RGS12: variants seen among roughly 807,000 people sequenced by gnomAD.
The protein encoded by RGS12 is regulator of G-protein signaling 12.
Under a neutral mutation model 120.1 loss-of-function variants are expected in RGS12, and 66 were observed. The observed-to-expected ratio is 0.55, with a 90% confidence interval of 0.45 to 0.67. The LOEUF is 0.67. RGS12 is among the 30% of genes least tolerant of loss of function. The pLI is 0.00. For missense variants in RGS12, 1,859 were observed against 1,957.7 expected (o/e 0.95, Z 0.95); for synonymous variants, 827 against 804.7 (o/e 1.03, Z -0.47).
At chr4:3,364,833 T>G (rs16844197) in intron 3 of RGS12, among the ~76,000 whole-genome samples, 44,292 of 151,834 alleles carry the variant, frequency 0.29, 6,475 homozygotes, top group Middle Eastern at 0.36. Flanking sequence ...GACTTGGCGG[T>G]CGCTGCCTGG....
At chr4:3,290,061 C>T (rs1174944538), upstream of RGS12, among the ~76,000 whole-genome samples, 2 of 152,158 alleles carry the variant, frequency 1.3e-5, no homozygotes, top group East Asian at 1.9e-4. Flanking sequence ...CATCGACGAG[C>T]GCTTAGGTGG....
intron 1 of RGS12, among the ~76,000 whole-genome samples, chr4:3,295,765 T>C (rs1203875935): frequency 6.6e-6 from 1 of 151,924 alleles, no homozygotes; most frequent in Non-Finnish European, 1.5e-5. Flanking sequence ...TAGTTACGAC[T>C]TAACACATGC....
chr4:3,335,372 T>C (rs1712325631), intron 2 of RGS12, among the ~76,000 whole-genome samples: 1 of 152,228 alleles, frequency 6.6e-6, no homozygotes, highest in South Asian at 2.1e-4. Context: ...TTGGAATTCT[T>C]CCTGCCGCAC....
intron 4 of RGS12, among the ~76,000 whole-genome samples, chr4:3,386,891 T>G (rs1489819605): frequency 6.6e-6 from 1 of 152,218 alleles, no homozygotes; most frequent in East Asian, 1.9e-4. Context: ...GAGTGTGGGA[T>G]GAAGAGGAAT....
chr4:3,416,288 C>T (rs1722392953), intron 7 of RGS12, among the ~76,000 whole-genome samples, 167 bp downstream of exon 7: 2 of 151,778 alleles, frequency 1.3e-5, no homozygotes, highest in Non-Finnish European at 2.9e-5. Flanking sequence ...GGTAGAGAAA[C>T]GCAGACAGAA....
chr4:3,373,788 G>A (rs1223250068), intron 3 of RGS12, among the ~76,000 whole-genome samples: 4 of 152,312 alleles, frequency 2.6e-5, no homozygotes, highest in Admixed American at 2.0e-4. Flanking sequence ...GCATCAGCGC[G>A]TCCCACTTCA....
chr4:3,307,864 A>G (rs186027130), intron 1 of RGS12, among the ~76,000 whole-genome samples: 23 of 152,390 alleles, frequency 1.5e-4, no homozygotes, highest in African/African-American at 5.5e-4. Context: ...CCTTTTAAAA[A>G]GGGTCCTTCC....
At position 3,367,463 on chromosome 4, in the gene RGS12, G is replaced by A. The variant is rs541018506; in HGVS notation, c.1999-18953G>A. Among the ~76,000 whole-genome samples, 21 of 152,350 alleles carry A rather than the reference G, an allele frequency of 1.4e-4. No individual in the cohort carries two copies. The South Asian group carries it at 2.5e-3, about 18-fold the overall frequency. The stretch of plus-strand genomic sequence containing the variant: ...GGTGAAGGGCTGTGCTGGGCTTCCC[G>A]GGCCCGGGGTCTGAACCCGACTCCC... On this transcript the variant is annotated intron_variant, in intron 3 of 17. Transcript: ENST00000336727.
intron 4 of RGS12, among the ~76,000 whole-genome samples, chr4:3,398,344 C>T (rs532384451): frequency 7.9e-5 from 12 of 152,236 alleles, no homozygotes; most frequent in Middle Eastern, 6.8e-3. Flanking sequence ...GAACCAGGCA[C>T]GGTGGTGCAC....
chr4:3,288,106 G>T (rs377492558), upstream of RGS12, among the ~76,000 whole-genome samples: 1 of 152,354 alleles, frequency 6.6e-6, no homozygotes, highest in South Asian at 2.1e-4. The surrounding 1 kb of genome is among the most constrained non-coding windows in gnomAD (Gnocchi z 5.2). Flanking sequence ...CTGCGTGCTC[G>T]TTGCTCTGAG....
chr4:3,400,697 A>T (rs188487873), intron 4 of RGS12, among the ~76,000 whole-genome samples: 62 of 149,260 alleles, frequency 4.2e-4, no homozygotes, highest in African/African-American at 1.4e-3. Context: ...AGTATTAGTA[A>T]TACTAATTGC....
At chr4:3,371,627 A>G (rs1716998406) in intron 3 of RGS12, among the ~76,000 whole-genome samples, 1 of 152,200 alleles carries the variant, frequency 6.6e-6, no homozygotes, top group Non-Finnish European at 1.5e-5. Context: ...GTCAGGCATC[A>G]GAAGTGAGCG....
At chr4:3,384,518 G>A (rs911878862) in intron 3 of RGS12, among the ~76,000 whole-genome samples, 1 of 152,244 alleles carries the variant, frequency 6.6e-6, no homozygotes, top group Non-Finnish European at 1.5e-5. Context: ...TGGAAGGAAT[G>A]ACAGCCTTCC....
chr4:3,308,156 T>C (rs1724072817), intron 1 of RGS12, among the ~76,000 whole-genome samples: 1 of 152,260 alleles, frequency 6.6e-6, no homozygotes, highest in Non-Finnish European at 1.5e-5. Flanking sequence ...GCCCTGGCCC[T>C]GAGCTGGTTG....
chr4:3,296,026 AG>A (rs1723360792), intron 1 of RGS12, among the ~76,000 whole-genome samples: 1 of 152,136 alleles, frequency 6.6e-6, no homozygotes. Context: ...CGCCCCAGTC[AG>A]CTTCTGGAGG....
At chr4:3,287,294 T>C in the RGS12 span, among the ~76,000 whole-genome samples, 23 of 152,344 alleles carry the variant, frequency 1.5e-4, no homozygotes, top group African/African-American at 5.3e-4. Flanking sequence ...TCACGTTTAT[T>C]TTCTGTAAAG....
At chr4:3,421,332 T>G (rs1722997650) in intron 10 of RGS12, among the ~76,000 whole-genome samples, 2 of 152,260 alleles carry the variant, frequency 1.3e-5, no homozygotes, top group Admixed American at 1.3e-4. Context: ...TTTGAAATTT[T>G]CAGGCAGGAA....
At chr4:3,298,195 C>T (rs1032282506) in intron 1 of RGS12, among the ~76,000 whole-genome samples, 1 of 152,144 alleles carries the variant, frequency 6.6e-6, no homozygotes, top group Admixed American at 6.5e-5. Context: ...ACTCCGTGGG[C>T]CCTTTCAGTC....
chr4:3,436,383 C>T (rs1467486315), intron 17 of RGS12, among the ~76,000 whole-genome samples: 1 of 152,204 alleles, frequency 6.6e-6, no homozygotes, highest in Non-Finnish European at 1.5e-5. Context: ...CTGCGAGCTT[C>T]CAAGGGGCGC....
Sources: gnomAD v4.1 joint callset for allele counts (sites outside exome capture counted in the v4.1 genomes callset) on GRCh38, gnomAD v4.1.1 for gene constraint, Gnocchi (gnomAD v3.1) non-coding constraint, MANE v1.5 for transcripts, NCBI Gene and HGNC (gene_info 2026-07-23, HGNC 2026-07-21) for gene names.